The following CTBP1 variants were observed in gnomAD, a reference collection of about 807,000 sequenced individuals.
CTBP1 encodes C-terminal binding protein 1.
CTBP1 carries 11 observed loss-of-function variants against 42.1 expected under a neutral mutation model. The ratio of observed to expected loss-of-function variants is 0.26; its 90% CI spans 0.16 to 0.43. CTBP1 has a LOEUF of 0.43. Ranked by LOEUF, CTBP1 falls within the 20% of genes least tolerant of loss-of-function variation. The pLI, the probability that CTBP1 is intolerant of heterozygous loss-of-function variation, is 1.00. For missense variants in CTBP1, 399 were observed against 624.3 expected, an observed-to-expected ratio of 0.64 and a Z score of 3.85; for synonymous variants, 324 against 277.1, an observed-to-expected ratio of 1.17 and a Z score of -1.68.
Position 1,233,551 on chromosome 4 carries a change from G to C in CTBP1, c.162+4632C>G, listed in dbSNP as rs964831804. On this transcript the variant is annotated intron_variant, in intron 3 of 9. Coordinates refer to ENST00000382952, the MANE Select transcript of CTBP1 (RefSeq NM_001012614.2). The surrounding 1 kb of genome is among the most constrained non-coding windows in gnomAD (Gnocchi z 4.6). ...AGGGCTTCCTTTTTCTTGCTCAGCA[G>C]TTTGATCAGATGTGCAGTGCTGGGC... Among the ~76,000 whole-genome samples the C allele has an allele frequency of 2.0e-5, 3 of 152,122 alleles. No individual in the cohort carries two copies. The highest frequency in any genetic ancestry group is 7.2e-5 in the African/African-American group (3 of 41,430).
intron 5 of CTBP1, among the ~76,000 whole-genome samples, chr4:1,220,079 G>A (rs1472800265): frequency 6.6e-6 from 1 of 151,956 alleles, no homozygotes; most frequent in Non-Finnish European, 1.5e-5. Flanking sequence ...GCGTGTGCCT[G>A]TAATCCCAGC....
rs753006921 is a variant in CTBP1, at chr4:1,213,469, C to G, written c.988+9G>C. 3.1e-6 allele frequency: 5 copies of G among 1,609,138 alleles called. No homozygotes were observed. The South Asian group carries it at 3.3e-5, about 11-fold the overall frequency. Reference sequence around the variant, plus strand: ...CCCCCAGGCCTGACCGAGCGGCCCCCACGCCCACCTGTGATGGCTCTGCGG... The same window carrying G: ...CCCCCAGGCCTGACCGAGCGGCCCCGACGCCCACCTGTGATGGCTCTGCGG... On this transcript the variant is annotated intron_variant, in intron 8 of 9. Transcript: ENST00000382952.
At chr4:1,222,905 G>A in intron 5 of CTBP1, among the ~76,000 whole-genome samples, 1 of 151,176 alleles carries the variant, frequency 6.6e-6, no homozygotes, top group East Asian at 1.9e-4. Flanking sequence ...GGGAACTACA[G>A]ACATCCCTGG....
intron 3 of CTBP1, among the ~76,000 whole-genome samples, chr4:1,228,730 C>T (rs1041021110): frequency 3.3e-5 from 5 of 150,754 alleles, no homozygotes; most frequent in Admixed American, 6.6e-5. Context: ...AGGGGGGGTG[C>T]GGCCACACCC....
chr4:1,249,406 C>G (rs1292505012), upstream of CTBP1: 1 of 152,406 alleles, frequency 6.6e-6, no homozygotes, highest in Non-Finnish European at 1.5e-5. Context: ...CCGTCCGCCC[C>G]GAGGACCCTG....
intron 1 of CTBP1, among the ~76,000 whole-genome samples, chr4:1,247,219 T>C (rs1188293258): frequency 6.6e-6 from 1 of 152,176 alleles, no homozygotes; most frequent in Non-Finnish European, 1.5e-5. Context: ...AAGAAGTGCA[T>C]GTTGGGGACA....
In CTBP1 at chr4:1,239,652, G is replaced by T. The variant is rs1300969528; in HGVS notation, c.8-1315C>A. ...GGGGTGCAGTGGGCCTGCAGCACAC[G>T]CCTGCAGGGGACGGGGCATGGGTCT... On this transcript the variant is annotated intron_variant, in intron 2 of 9. Transcript: ENST00000382952. Among the ~76,000 whole-genome samples the T allele has an allele frequency of 2.0e-5, 3 of 152,216 alleles. No homozygotes were observed. The East Asian group carries it at 5.8e-4, about 29-fold the overall frequency.
intron 4 of CTBP1, among the ~76,000 whole-genome samples, chr4:1,226,639 C>T (rs1261903262): frequency 6.6e-6 from 1 of 150,932 alleles, no homozygotes; most frequent in African/African-American, 2.4e-5. Flanking sequence ...AAGAACAGAG[C>T]CCAGGCCTGG....
At chr4:1,229,327 C>G (rs1730721165) in intron 3 of CTBP1, among the ~76,000 whole-genome samples, 1 of 152,266 alleles carries the variant, frequency 6.6e-6, no homozygotes, top group Non-Finnish European at 1.5e-5. Flanking sequence ...CCATCCCACA[C>G]TCCCGTGCAT....
At chr4:1,240,147 T>C (rs535172043) in intron 2 of CTBP1, among the ~76,000 whole-genome samples, 37 of 151,184 alleles carry the variant, frequency 2.4e-4, no homozygotes, top group Admixed American at 1.4e-3. Flanking sequence ...GGGTGCTGGG[T>C]GAGTGGGAAC....
At chr4:1,222,733 G>C (rs564320868) in intron 5 of CTBP1, among the ~76,000 whole-genome samples, 1 of 152,284 alleles carries the variant, frequency 6.6e-6, no homozygotes, top group East Asian at 1.9e-4. Flanking sequence ...GGAGGGGCTG[G>C]TTGGGCCCAG....
chr4:1,246,384 C>G (rs1042399821), intron 1 of CTBP1, among the ~76,000 whole-genome samples: 1 of 152,204 alleles, frequency 6.6e-6, no homozygotes, highest in Non-Finnish European at 1.5e-5. Flanking sequence ...GGGCCCTGGG[C>G]CAGGCCTGCA....
At chr4:1,225,920 G>C (rs534217857) in intron 4 of CTBP1, among the ~76,000 whole-genome samples, 1 of 152,012 alleles carries the variant, frequency 6.6e-6, no homozygotes, top group Non-Finnish European at 1.5e-5. Flanking sequence ...TCGCCACCCC[G>C]ATTCCTCTCG....
intron 5 of CTBP1, among the ~76,000 whole-genome samples, chr4:1,224,676 C>T (rs374388790): frequency 1.3e-5 from 2 of 148,930 alleles, no homozygotes; most frequent in African/African-American, 5.0e-5. Flanking sequence ...CTGTGACGTC[C>T]GTGCAGGCCA....
chr4:1,241,557 C>T (rs762784720), intron 1 of CTBP1, 38 bp from the exon 2 acceptor site: 41 of 1,537,120 alleles, frequency 2.7e-5, no homozygotes, highest in Non-Finnish European at 3.4e-5. Flanking sequence ...AAAATGCCAT[C>T]GAAGGTCCGA....
chr4:1,212,835 C>T, intron 9 of CTBP1, 78 bp downstream of exon 9: 1 of 1,274,720 alleles, frequency 7.8e-7, no homozygotes, highest in South Asian at 1.2e-5. Flanking sequence ...GCCGCCCCTC[C>T]CACCAGGGGC....
At position 1,233,762 on chromosome 4, in the gene CTBP1, C is replaced by T. The variant is rs866189700; in HGVS notation, c.162+4421G>A. Among the ~76,000 whole-genome samples, 1 of 152,232 alleles carries T rather than the reference C, an allele frequency of 6.6e-6. No homozygotes were observed. Among genetic ancestry groups the T allele is most frequent in the Non-Finnish European group, 1.5e-5 (1 of 68,038 alleles). ...TCCTGTGACCGCACTGACGGTATCA[C>T]GTTCTCTCCCTCCACGGCACTCAGA... On this transcript the variant is annotated intron_variant, in intron 3 of 9. Transcript: ENST00000382952. The surrounding 1 kb of genome is among the most constrained non-coding windows in gnomAD (Gnocchi z 4.6).
intron 1 of CTBP1, chr4:1,243,190 C>A: frequency 2.0e-6 from 2 of 985,440 alleles, no homozygotes; most frequent in Non-Finnish European, 2.4e-6. Context: ...CCTGGAGGAT[C>A]ATCGATACCC....
At chr4:1,213,853 G>A (rs1015193530) in intron 7 of CTBP1, 1 of 514,708 alleles carries the variant, frequency 1.9e-6, no homozygotes, top group East Asian at 3.4e-5. Context: ...CCTCGTGGGA[G>A]GAGCCCTGAT....
Sources: gnomAD v4.1 joint callset for allele counts (sites outside exome capture counted in the v4.1 genomes callset) on GRCh38, gnomAD v4.1.1 for gene constraint, Gnocchi (gnomAD v3.1) non-coding constraint, MANE v1.5 for transcripts, NCBI Gene and HGNC (gene_info 2026-07-23, HGNC 2026-07-21) for gene names.